LAMA3: variants seen among roughly 807,000 people sequenced by gnomAD.
LAMA3 encodes the protein laminin subunit alpha 3.
In LAMA3, 281 loss-of-function variants were observed where a neutral mutation model predicts 402.0. The ratio of observed to expected loss-of-function variants is 0.70; its 90% confidence interval spans 0.63 to 0.77. LAMA3 has a LOEUF of 0.77. Ranked by LOEUF, LAMA3 falls within the 30% of genes least tolerant of loss-of-function variation. LAMA3 has a pLI of 0.00. For synonymous variants in LAMA3, 1,431 were observed against 1,558.4 expected (o/e 0.92, Z 1.93); for missense variants, 3,840 against 4,215.5 (o/e 0.91, Z 2.47).
intron 34 of LAMA3, among the ~76,000 whole-genome samples, chr18:23,861,167 T>A (rs2064210343): frequency 7.0e-6 from 1 of 143,300 alleles, no homozygotes; most frequent in African/African-American, 2.9e-5. Context: ...CTTGCTCAGT[T>A]CTTTCTTTTT....
At chr18:23,777,328 C>A (rs941683708) in intron 10 of LAMA3, among the ~76,000 whole-genome samples, 6 of 151,798 alleles carry the variant, frequency 4.0e-5, no homozygotes, top group Non-Finnish European at 8.8e-5. Context: ...ATTGTGAGCA[C>A]GAAACATTCA....
At position 23,932,179 on chromosome 18, in the gene LAMA3, G is replaced by T; in HGVS notation, c.8596G>T (p.Asp2866Tyr). 1.2e-6 allele frequency: 2 copies of T among 1,613,994 alleles called. No individual in the cohort carries two copies. Among genetic ancestry groups the T allele is most frequent in the South Asian group, 2.2e-5 (2 of 91,032 alleles). The change falls in exon 66 of 75, where the codon GAC becomes TAC. Residue 2866 changes from aspartate (D) to tyrosine (Y), a missense_variant. Asp to Tyr is a radical substitution (Grantham distance 160). Coordinates refer to ENST00000313654, the MANE Select transcript of LAMA3 (RefSeq NM_198129.4). ...DNSGLRLLID[D>Y]QLLRNSKRLK... ...TTTCAGACTACGGCTTCTCATCGAT[G>T]ACCAGCTTCTGAGAAATAGCAAAAG...
At chr18:23,884,730 C>T (rs749768384) in intron 40 of LAMA3, 43 bp from the exon 41 acceptor site, 16 of 1,489,766 alleles carry the variant, frequency 1.1e-5, no homozygotes, top group African/African-American at 1.4e-5. Context: ...TAAATCCTAT[C>T]GATCTGTGTT....
At chr18:23,723,218 C>T (rs549116912) in intron 2 of LAMA3, among the ~76,000 whole-genome samples, 101 of 152,244 alleles carry the variant, frequency 6.6e-4, no homozygotes, top group Non-Finnish European at 1.3e-3. Flanking sequence ...CTATCTTTGA[C>T]ATGAAACTAC....
intron 19 of LAMA3, 85 bp from the exon 20 acceptor site, chr18:23,822,167 A>C: frequency 6.8e-7 from 1 of 1,462,346 alleles, no homozygotes. Flanking sequence ...CAGTAGTGAC[A>C]CTTGAATAGA....
rs966380145 is a variant in LAMA3 at position 23,954,428 on chromosome 18, A to G, written c.9857-75A>G. On this transcript the variant is annotated intron_variant, in intron 74 of 74. Coordinates refer to ENST00000313654, the MANE Select transcript of LAMA3 (RefSeq NM_198129.4). ...AAAAAAAAAAAAAAAAAAAAATACT[A>G]TCTTTTAAAATCCAGGGAACAGTCC... is the stretch of plus-strand genomic sequence containing the variant. The G allele has an allele frequency of 2.3e-5, 26 of 1,154,422 alleles. No homozygotes were observed. The Admixed American group carries it at 3.5e-4, about 15-fold the overall frequency. 71.5% of individuals were successfully genotyped at this position (1,154,422 alleles called of 1,614,324 possible).
intron 74 of LAMA3, among the ~76,000 whole-genome samples, chr18:23,953,792 C>G (rs1212791362): frequency 6.6e-6 from 1 of 152,120 alleles, no homozygotes; most frequent in South Asian, 2.1e-4. Flanking sequence ...TTTTGGGGAC[C>G]GGACTGGGAG....
At chr18:23,869,828 G>A (rs1281356772) in intron 37 of LAMA3, among the ~76,000 whole-genome samples, 4 of 152,168 alleles carry the variant, frequency 2.6e-5, no homozygotes, top group South Asian at 4.2e-4. Flanking sequence ...CAGCACTTTG[G>A]GAGGCTGAGG....
At chr18:23,942,366 C>T (rs2082553119) in intron 68 of LAMA3, among the ~76,000 whole-genome samples, 1 of 152,176 alleles carries the variant, frequency 6.6e-6, no homozygotes, top group African/African-American at 2.4e-5. Flanking sequence ...TCTCAGGGCA[C>T]CCCTGCACCA....
At chr18:23,781,427 C>T (rs939932765) in intron 11 of LAMA3, 2 of 343,220 alleles carry the variant, frequency 5.8e-6, no homozygotes, top group African/African-American at 4.3e-5. Flanking sequence ...TTAAATGAAC[C>T]TAAGACAGAT....
intron 62 of LAMA3, among the ~76,000 whole-genome samples, chr18:23,922,017 C>T (rs1202477274): frequency 6.6e-6 from 1 of 152,208 alleles, no homozygotes; most frequent in Non-Finnish European, 1.5e-5. Context: ...CAGTATGTCT[C>T]CTTCACTTCG....
chr18:23,766,036 A>G (rs924725597), intron 8 of LAMA3, among the ~76,000 whole-genome samples: 1 of 152,174 alleles, frequency 6.6e-6, no homozygotes, highest in African/African-American at 2.4e-5. Flanking sequence ...ACAATGAATC[A>G]GAAAAAAAAG....
chr18:23,858,070 G>A lies in LAMA3; in HGVS notation c.4281+82G>A. The A allele has an allele frequency of 2.0e-6, 3 of 1,524,288 alleles. No individual in the cohort carries two copies. In the South Asian group the frequency reaches 3.4e-5, roughly 17 times the overall value. 94.4% of individuals were successfully genotyped at this position (1,524,288 alleles called of 1,614,324 possible). On this transcript the variant is annotated intron_variant, in intron 33 of 74. Transcript: ENST00000313654. Reference sequence around the variant, plus strand: ...ATGTTGAGTCAACATAGAAAAGTATGTGGGAAATGGGACTGACCCGTAAGA... The same window carrying A: ...ATGTTGAGTCAACATAGAAAAGTATATGGGAAATGGGACTGACCCGTAAGA...
At chr18:23,725,588 G>T (rs2061286822) in intron 2 of LAMA3, among the ~76,000 whole-genome samples, 1 of 152,178 alleles carries the variant, frequency 6.6e-6, no homozygotes, top group African/African-American at 2.4e-5. Flanking sequence ...GCTCCAGCAA[G>T]ACCAAGCTCT....
Position 23,907,911 on chromosome 18 carries a change from G to A in LAMA3, c.6991G>A (p.Ala2331Thr). The A allele has an allele frequency of 6.2e-7, 1 of 1,613,924 alleles. No homozygotes were observed. Among genetic ancestry groups the A allele is most frequent in the Non-Finnish European group, 8.5e-7 (1 of 1,180,024 alleles). ...GACACAGAACGAAGACTTCAAAAAG[G>A]CTCTGACTGATGCAGATAACTCGGG... is the stretch of plus-strand genomic sequence containing the variant. ...GRTQNEDFKK[A>T]LTDADNSVNK... The change falls in exon 54 of 75, where the codon GCT becomes ACT. Residue 2331 changes from alanine (A) to threonine (T), a missense_variant. Ala to Thr is a moderately conservative substitution (Grantham distance 58, BLOSUM62 0). Transcript: ENST00000313654.
rs148110450 is a variant in LAMA3 at position 23,836,647 on chromosome 18, C to T, written c.2985-334C>T. Among the ~76,000 whole-genome samples, 61 of 152,166 alleles carry T rather than the reference C, an allele frequency of 4.0e-4. No individual in the cohort carries two copies. The East Asian group carries it at 0.01, about 26-fold the overall frequency. On this transcript the variant is annotated intron_variant, in intron 24 of 74. Coordinates refer to ENST00000313654, the MANE Select transcript of LAMA3 (RefSeq NM_198129.4). ...GCGGGTGACTTTAATTGTGAATAGC[C>T]CCGAGAATGTTGGCTGTGTCTTAGA... is the stretch of plus-strand genomic sequence containing the variant.
chr18:23,938,185 G>T (rs1172650707), intron 67 of LAMA3, among the ~76,000 whole-genome samples: 2 of 152,156 alleles, frequency 1.3e-5, no homozygotes, highest in East Asian at 1.9e-4. Flanking sequence ...TTTACCAGAA[G>T]CCCCGCCTTC....
chr18:23,878,966 C>T (rs909539082), intron 39 of LAMA3, among the ~76,000 whole-genome samples: 1 of 151,930 alleles, frequency 6.6e-6, no homozygotes, highest in African/African-American at 2.4e-5. Flanking sequence ...CAATTTCTCC[C>T]CATATTTTCT....
At chr18:23,759,366 A>G (rs1182291644) in intron 7 of LAMA3, among the ~76,000 whole-genome samples, 1 of 151,228 alleles carries the variant, frequency 6.6e-6, no homozygotes, top group Non-Finnish European at 1.5e-5. Context: ...GACAACTGCT[A>G]TTTTTAACAA....
Sources: gnomAD v4.1 joint callset for allele counts (sites outside exome capture counted in the v4.1 genomes callset) on GRCh38, gnomAD v4.1.1 for gene constraint, MANE v1.5 for transcripts, NCBI Gene and HGNC (gene_info 2026-07-23, HGNC 2026-07-21) for gene names.